Variants in ARMH3 observed in about 807,000 individuals in gnomAD.
ARMH3 encodes armadillo-like helical domain-containing protein 3.
In ARMH3, 60 loss-of-function variants were observed where a neutral mutation model predicts 99.1. The ratio of observed to expected loss-of-function variants is 0.61; its 90% CI spans 0.49 to 0.75. The LOEUF (loss-of-function observed/expected upper bound fraction) is 0.75. ARMH3 is among the 30% of genes least tolerant of loss of function. The pLI, the probability that ARMH3 is intolerant of heterozygous loss-of-function variation, is 0.00. For missense variants in ARMH3, 679 were observed against 843.1 expected (o/e 0.81, Z 2.41); for synonymous variants, 285 against 292.8 (o/e 0.97, Z 0.27).
At chr10:102,017,444 C>G (rs1389287355) in intron 8 of ARMH3, among the ~76,000 whole-genome samples, 1 of 152,190 alleles carries the variant, frequency 6.6e-6, no homozygotes, top group East Asian at 1.9e-4. Flanking sequence ...ACTGACATTT[C>G]AGAGAGCCCT....
At chr10:101,896,269 A>G (rs904458272) in intron 23 of ARMH3, among the ~76,000 whole-genome samples, 1 of 152,128 alleles carries the variant, frequency 6.6e-6, no homozygotes, top group Admixed American at 6.5e-5. Flanking sequence ...CAAAACAATA[A>G]CAAGTGTTGG....
chr10:101,950,543 C>A (rs1380784615), intron 22 of ARMH3, among the ~76,000 whole-genome samples: 1 of 152,136 alleles, frequency 6.6e-6, no homozygotes, highest in Non-Finnish European at 1.5e-5. Flanking sequence ...TAGAAGCAAC[C>A]TAAATGTCTA....
chr10:101,955,808 C>T (rs1845007802), intron 22 of ARMH3, among the ~76,000 whole-genome samples: 1 of 152,134 alleles, frequency 6.6e-6, no homozygotes, highest in Non-Finnish European at 1.5e-5. Context: ...TCAGAGGTGA[C>T]GGATATGGTT....
intron 1 of ARMH3, among the ~76,000 whole-genome samples, chr10:102,040,822 G>A (rs942142493): frequency 6.6e-6 from 1 of 151,990 alleles, no homozygotes; most frequent in South Asian, 2.1e-4. Flanking sequence ...AATATTGATC[G>A]AGCTTAGGAC....
At chr10:102,039,310 A>G (rs1287142227) in intron 2 of ARMH3, among the ~76,000 whole-genome samples, 1 of 151,842 alleles carries the variant, frequency 6.6e-6, no homozygotes, top group Admixed American at 6.6e-5. Flanking sequence ...ATGCCCGGCT[A>G]AGTTTTGTAT....
At chr10:101,892,933 G>A (rs1411598077) in intron 23 of ARMH3, among the ~76,000 whole-genome samples, 2 of 152,222 alleles carry the variant, frequency 1.3e-5, no homozygotes, top group East Asian at 1.9e-4. Context: ...AAGAGAGCTG[G>A]AGATAATATC....
chr10:101,920,636 CAAT>C (rs1843269849), intron 23 of ARMH3, among the ~76,000 whole-genome samples: 1 of 152,130 alleles, frequency 6.6e-6, no homozygotes, highest in East Asian at 1.9e-4. Context: ...TACAGTTATG[CAAT>C]AATAAAATAC....
chr10:101,988,922 CAAA>C (rs35605193), intron 19 of ARMH3, among the ~76,000 whole-genome samples: 2 of 56,582 alleles, frequency 3.5e-5, no homozygotes, highest in Admixed American at 2.0e-4. Context: ...GACTCTGTCT[CAAA>C]AAAAAAAAAA....
intron 23 of ARMH3, among the ~76,000 whole-genome samples, chr10:101,906,605 G>C (rs918016717): frequency 6.6e-6 from 1 of 152,218 alleles, no homozygotes; most frequent in African/African-American, 2.4e-5. Flanking sequence ...GTAGCAGACA[G>C]AGAATTTAAA....
chr10:102,052,450 T>C (rs1318266196), intron 1 of ARMH3, among the ~76,000 whole-genome samples: 1 of 152,156 alleles, frequency 6.6e-6, no homozygotes, highest in East Asian at 1.9e-4. Context: ...TCTTGAACTC[T>C]TGAGCTCAAG....
At chr10:101,966,285 GTTTTTTTTTTTTTTTT>G (rs34196495) in intron 20 of ARMH3, among the ~76,000 whole-genome samples, 2 of 80,660 alleles carry the variant, frequency 2.5e-5, no homozygotes, top group African/African-American at 1.1e-4. Context: ...TTTGGTTTGG[GTTTTTTTTTTTTTTTT>G]TTTTTTTTTT....
At chr10:101,904,156 A>C (rs1270154018) in intron 23 of ARMH3, among the ~76,000 whole-genome samples, 1 of 152,238 alleles carries the variant, frequency 6.6e-6, no homozygotes, top group Non-Finnish European at 1.5e-5. Flanking sequence ...GCCTGTTATA[A>C]GAGTGTCCTT....
At chr10:101,999,583 T>C (rs1376809790) in intron 15 of ARMH3, among the ~76,000 whole-genome samples, 2 of 152,164 alleles carry the variant, frequency 1.3e-5, no homozygotes, top group Non-Finnish European at 2.9e-5. Flanking sequence ...ATGCTAGCTT[T>C]GTGTCCCAAA....
chr10:101,923,313 A>G (rs926342149), intron 23 of ARMH3, among the ~76,000 whole-genome samples: 3 of 152,220 alleles, frequency 2.0e-5, no homozygotes, highest in African/African-American at 7.2e-5. Context: ...GTAAAATGAC[A>G]GTAAAATGCA....
intron 19 of ARMH3, among the ~76,000 whole-genome samples, chr10:101,982,709 G>A (rs1009662347): frequency 2.6e-5 from 4 of 152,068 alleles, no homozygotes; most frequent in Admixed American, 6.6e-5. Context: ...ACCCTATTGT[G>A]AACTGCGCAT....
chr10:101,967,630 G>A (rs183595644), intron 20 of ARMH3, among the ~76,000 whole-genome samples: 2 of 152,186 alleles, frequency 1.3e-5, no homozygotes, highest in East Asian at 1.9e-4. Flanking sequence ...CCAGCTACTC[G>A]GGAGGCTGAG....
chr10:101,868,287 C>A (rs2067052434), intron 24 of ARMH3, among the ~76,000 whole-genome samples: 1 of 152,182 alleles, frequency 6.6e-6, no homozygotes, highest in East Asian at 1.9e-4. Flanking sequence ...ATTAGACAAT[C>A]TGGATGAAGG....
rs889826612 is a variant in ARMH3 at position 101,847,767 on chromosome 10, C to G, written c.1978-147G>C. On this transcript the variant is annotated intron_variant, in intron 25 of 25. Transcript: ENST00000370033. ...AAATGAACCCTTAACAGCTATTATC[C>G]CTGCAGGCAAATGAGCAAACAGTTC... is the stretch of plus-strand genomic sequence containing the variant. 10 of 704,830 alleles carry G rather than the reference C, an allele frequency of 1.4e-5. No homozygotes were observed. The East Asian group carries it at 1.9e-4, about 13-fold the overall frequency. The allele number at this position is 704,830 out of a possible 1,614,324, so 43.7% of individuals were successfully genotyped here. A position where few individuals can be genotyped will look rare whatever the true frequency, so the allele number is the denominator to read the frequency against.
chr10:102,004,332 A>C (rs2066435184), intron 14 of ARMH3, among the ~76,000 whole-genome samples: 1 of 152,236 alleles, frequency 6.6e-6, no homozygotes, highest in Non-Finnish European at 1.5e-5. Flanking sequence ...AGGGAAAAGA[A>C]CAAATAGAAC....
Sources: allele counts gnomAD v4.1 joint callset (sites outside exome capture counted in the v4.1 genomes callset), GRCh38; gene constraint gnomAD v4.1.1; transcripts MANE v1.5; gene names NCBI Gene and HGNC (gene_info 2026-07-23, HGNC 2026-07-21).